DUOX2: variants seen among roughly 807,000 people sequenced by gnomAD.
DUOX2 encodes the protein dual oxidase 2.
DUOX2 carries 185 observed loss-of-function variants against 183.3 expected under a neutral mutation model. That is an observed-to-expected ratio of 1.01 (90% CI 0.90 to 1.14). The LOEUF (loss-of-function observed/expected upper bound fraction) is 1.14, where lower values mean the gene tolerates loss of function less well. Among genes scored for constraint, DUOX2 ranks in the 50% most tolerant of loss-of-function variants. The probability of loss-of-function intolerance (pLI) is 0.00; values close to 1 mark genes in which losing one functional copy is unlikely to be tolerated. For synonymous variants in DUOX2, 788 were observed against 812.4 expected, an observed-to-expected ratio of 0.97 and a Z score of 0.51; for missense variants, 1,999 against 2,022.9, an observed-to-expected ratio of 0.99 and a Z score of 0.23.
Position 45,095,434 on chromosome 15 carries a change from C to T in DUOX2, c.4239+3G>A, listed in dbSNP as rs377517657. On this transcript the variant is annotated splice_donor_region_variant and intron_variant, in intron 31 of 33. Coordinates refer to ENST00000389039, the MANE Select transcript of DUOX2 (RefSeq NM_001363711.2). The stretch of plus-strand genomic sequence containing the variant: ...ATTTGATGAATGAGGGAGGGATGCT[C>T]ACCTTCTTACACAGCATTTGGCTGC... 1.6e-5 allele frequency: 26 copies of T among 1,614,210 alleles called. 1 individual carries two copies. The South Asian group carries it at 2.2e-4, about 14-fold the overall frequency.
Position 45,095,423 on chromosome 15 carries a change from G to A in DUOX2, c.4239+14C>T, listed in dbSNP as rs1231132930. 6.2e-7 allele frequency: 1 copy of A among 1,614,210 alleles called. No homozygotes were observed. Among genetic ancestry groups the A allele is most frequent in the Non-Finnish European group, 8.5e-7 (1 of 1,180,038 alleles). Reference sequence around the variant, plus strand: ...ACCTATGCCCCATTTGATGAATGAGGGAGGGATGCTCACCTTCTTACACAG... The same window carrying A: ...ACCTATGCCCCATTTGATGAATGAGAGAGGGATGCTCACCTTCTTACACAG... On this transcript the variant is annotated intron_variant, in intron 31 of 33. Transcript: ENST00000389039.
At chr15:45,108,005 G>A (rs1484392673) in intron 13 of DUOX2, 42 bp downstream of exon 13, 4 of 1,612,868 alleles carry the variant, frequency 2.5e-6, no homozygotes, top group Non-Finnish European at 3.4e-6. Context: ...CTGGGGCTCA[G>A]GCTGAGGAGC....
In DUOX2 at chr15:45,102,752, C is replaced by T. The variant is rs552571799; in HGVS notation, c.2655-763G>A. Reference sequence around the variant, plus strand: ...ACCCTAGCACTTTAGGAGGCTGAGGCGGGCTGATCCCCTGAGGTCAGGAGT... The same window carrying T: ...ACCCTAGCACTTTAGGAGGCTGAGGTGGGCTGATCCCCTGAGGTCAGGAGT... On this transcript the variant is annotated intron_variant, in intron 20 of 33. Transcript: ENST00000389039. Among the ~76,000 whole-genome samples the T allele has an allele frequency of 4.4e-4, 67 of 152,276 alleles. 1 individual carries two copies. In the South Asian group the frequency reaches 0.013, roughly 31 times the overall value.
intron 18 of DUOX2, 113 bp downstream of exon 18, chr15:45,105,530 C>G: frequency 7.5e-7 from 1 of 1,335,238 alleles, no homozygotes; most frequent in Middle Eastern, 2.3e-4. Context: ...AAGGCTATTT[C>G]TCTCCAGGCC....
At chr15:45,112,762 C>T (rs1358942522) in intron 3 of DUOX2, 44 bp from the exon 4 acceptor site, 2 of 1,607,162 alleles carry the variant, frequency 1.2e-6, no homozygotes, top group Non-Finnish European at 8.5e-7. Flanking sequence ...ACTCCATCCC[C>T]TAGGATCCCC....
Position 45,103,987 on chromosome 15 carries a change from G to T in DUOX2, c.2627C>A (p.Ser876Tyr). ...MYDLDENGFL[S>Y]KDEFFTMMRS... ...CATCATGGTGAAGAATTCGTCCTTG[G>T]AGAGGAAGCCATTCTCATCCAGGTC... The change falls in exon 20 of 34, where the codon TCC becomes TAC. Residue 876 changes from serine to tyrosine, a missense_variant. Ser to Tyr is a moderately radical substitution (Grantham distance 144). This residue lies in a region of DUOX2 where 1,628 missense variants were observed against 1,608.6 expected (regional missense o/e 1.01). Coordinates refer to ENST00000389039, the MANE Select transcript of DUOX2 (RefSeq NM_001363711.2). 1.7e-5 allele frequency: 28 copies of T among 1,614,128 alleles called. No individual in the cohort carries two copies. Among genetic ancestry groups the T allele is most frequent in the Non-Finnish European group, 2.4e-5 (28 of 1,180,028 alleles).
At chr15:45,108,719 T>A (rs1894297706) in intron 12 of DUOX2, 70 bp downstream of exon 12, 1 of 1,498,422 alleles carries the variant, frequency 6.7e-7, no homozygotes. Flanking sequence ...AGTCAACATA[T>A]GTAAAGGGTT....
intron 11 of DUOX2, 70 bp from the exon 12 acceptor site, chr15:45,109,022 C>G: frequency 6.3e-7 from 1 of 1,586,060 alleles, no homozygotes; most frequent in Non-Finnish European, 8.6e-7. Context: ...AGCCTTGTAT[C>G]TGACTATTGG....
At position 45,108,801 on chromosome 15, in the gene DUOX2, AT is replaced by A; in HGVS notation, c.1385del (p.Asn462MetfsTer21). 6.2e-7 allele frequency: 1 copy of A among 1,614,248 alleles called. No individual in the cohort carries two copies. The highest frequency in any genetic ancestry group is 8.5e-7 in the Non-Finnish European group (1 of 1,180,038). On this transcript the variant is annotated frameshift_variant, in exon 12 of 34. Coordinates refer to ENST00000389039, the MANE Select transcript of DUOX2 (RefSeq NM_001363711.2). LOFTEE classifies it high-confidence loss of function. ...IPRNWSDLNP[N>X]VDPQVLEATA... ...TACTATTCCTGACCTGGGGGTCCAC[AT>A]TAGGGTTGAGATCACTCCAGTTCCT...
chr15:45,106,816 C>G lies in DUOX2; in HGVS notation c.1831+16G>C, dbSNP rs770949034. 6.3e-7 allele frequency: 1 copy of G among 1,597,702 alleles called. No homozygotes were observed. Among genetic ancestry groups the G allele is most frequent in the African/African-American group, 1.3e-5 (1 of 74,982 alleles). On this transcript the variant is annotated intron_variant, in intron 15 of 33. Coordinates refer to ENST00000389039, the MANE Select transcript of DUOX2 (RefSeq NM_001363711.2). Reference sequence around the variant, plus strand: ...GGGGCAGGGCCAGTCTGCAGAGAGGCTGCCTAAGAGCTCACCTAAGGGAAG... The same window carrying G: ...GGGGCAGGGCCAGTCTGCAGAGAGGGTGCCTAAGAGCTCACCTAAGGGAAG...
Position 45,107,357 on chromosome 15 carries a change from CAA to C in DUOX2, c.1679_1680del (p.Phe560CysfsTer4). On this transcript the variant is annotated frameshift_variant, in exon 14 of 34. Coordinates refer to ENST00000389039, the MANE Select transcript of DUOX2 (RefSeq NM_001363711.2). LOFTEE classifies it high-confidence loss of function. ...IDPSALQPNV[F>X]VWHKGAPCPQ... ...CCACGGCACTCACCTTTATGCCAGA[CAA>C]AGACATTGGGCTGCAGGGCACTGGG... 1 of 1,614,246 alleles carries C rather than the reference CAA, an allele frequency of 6.2e-7. No homozygotes were observed.
intron 20 of DUOX2, 72 bp downstream of exon 20, chr15:45,103,888 C>T (rs1327046193): frequency 4.6e-6 from 7 of 1,532,788 alleles, no homozygotes; most frequent in Non-Finnish European, 6.3e-6. Flanking sequence ...TGCCAGCCCT[C>T]CTCTGACTGG....
chr15:45,104,273 G>C lies in DUOX2; in HGVS notation c.2427C>G (p.Ala809=). The C allele has an allele frequency of 1.2e-6, 2 of 1,614,074 alleles. No individual in the cohort carries two copies. The highest frequency in any genetic ancestry group is 1.7e-6 in the Non-Finnish European group (2 of 1,180,010). The change falls in exon 19 of 34, where the codon GCC becomes GCG. Residue 809 remains alanine, a synonymous_variant. Transcript: ENST00000389039. ...REALTCELSR[A]EFAESLGLKP... ...TGAGGCCCAGGGACTCGGCAAACTC[G>C]GCCCTGCTCAGCTCGCAGGTCAGGG...
Position 45,093,890 on chromosome 15 carries a change from G to C in DUOX2, c.*260C>G. The C allele has an allele frequency of 2.1e-6, 1 of 481,926 alleles. No individual in the cohort carries two copies. The highest frequency in any genetic ancestry group is 6.1e-4 in the Middle Eastern group (1 of 1,638). The allele number at this position is 481,926 out of a possible 1,614,324, so 29.9% of individuals were successfully genotyped here. On this transcript the variant is annotated 3_prime_UTR_variant, in exon 34 of 34. Coordinates refer to ENST00000389039, the MANE Select transcript of DUOX2 (RefSeq NM_001363711.2). ...GCACTTGCTAAGGGCAGGAAGTCTG[G>C]AGGGCTGCAGGAATGGTGCCGTTGA...
intron 24 of DUOX2, 21 bp downstream of exon 24, chr15:45,100,029 C>T (rs369522086): frequency 3.1e-6 from 5 of 1,614,102 alleles, no homozygotes; most frequent in Admixed American, 3.3e-5. Flanking sequence ...CTACCCACTG[C>T]CCACAGCCTG....
chr15:45,108,174 C>T lies in DUOX2; in HGVS notation c.1447G>A (p.Glu483Lys), dbSNP rs766293222. ...TCCAGGAGCCCCCCAAGGAGCAGCT[C>T]TAGCTGGGATAGGTCCTGGTTGTAC... is the stretch of plus-strand genomic sequence containing the variant. ...ALYNQDLSQL[E>K]LLLGGLLESH... Residue 483 changes from glutamate (E) to lysine (K), a missense_variant, in exon 13 of 34, where the codon GAG becomes AAG. Physicochemically the swap from Glu to Lys is moderately conservative, Grantham distance 56 (BLOSUM62 1). Around this residue, in one of 3 missense-constraint regions of DUOX2, gnomAD observed 1,628 missense variants for 1,608.6 expected, o/e 1.01. Coordinates refer to ENST00000389039, the MANE Select transcript of DUOX2 (RefSeq NM_001363711.2). 8.7e-6 allele frequency: 14 copies of T among 1,614,200 alleles called. No individual in the cohort carries two copies. In the South Asian group the frequency reaches 1.5e-4, roughly 18 times the overall value.
intron 29 of DUOX2, 140 bp downstream of exon 29, chr15:45,097,098 G>A (rs1308879724): frequency 9.3e-6 from 12 of 1,287,726 alleles, no homozygotes; most frequent in South Asian, 7.3e-5. Context: ...AGGAACCCCC[G>A]AGAGTGGTTT....
At chr15:45,094,808 T>C in intron 32 of DUOX2, 117 bp from the exon 33 acceptor site, 1 of 1,592,810 alleles carries the variant, frequency 6.3e-7, no homozygotes, top group Non-Finnish European at 8.6e-7. Context: ...AGGCTGAGGA[T>C]CAGGCCATCA....
chr15:45,109,212 A>C, intron 11 of DUOX2: 1 of 604,774 alleles, frequency 1.7e-6, no homozygotes, highest in East Asian at 2.8e-5. Flanking sequence ...TCCCTGTCCT[A>C]TGCCTCCCTA....
Sources: gnomAD v4.1 joint callset for allele counts (sites outside exome capture counted in the v4.1 genomes callset) on GRCh38, gnomAD v4.1.1 for gene constraint, gnomAD v4.1.1 regional missense constraint, MANE v1.5 for transcripts, NCBI Gene and HGNC (gene_info 2026-07-23, HGNC 2026-07-21) for gene names.